C2CD2: variants seen among roughly 807,000 people sequenced by gnomAD.
The protein encoded by C2CD2 is C2 domain-containing protein 2.
C2CD2 carries 43 observed loss-of-function variants against 74.3 expected under a neutral mutation model. The observed-to-expected ratio is 0.58, with a 90% CI of 0.45 to 0.75. The LOEUF (loss-of-function observed/expected upper bound fraction) is 0.75. Among genes scored for constraint, C2CD2 ranks in the 30% least tolerant of loss-of-function variants. The pLI, the probability that C2CD2 is intolerant of heterozygous loss-of-function variation, is 0.00. For missense variants in C2CD2, 801 were observed against 916.3 expected, an observed-to-expected ratio of 0.87 and a Z score of 1.63; for synonymous variants, 422 against 390.7, an observed-to-expected ratio of 1.08 and a Z score of -0.94.
chr21:41,938,862 C>T (rs1240181766), intron 2 of C2CD2, among the ~76,000 whole-genome samples: 1 of 151,950 alleles, frequency 6.6e-6, no homozygotes, highest in Non-Finnish European at 1.5e-5. Context: ...CTGCCTCAGC[C>T]TCCTAAGTAG....
Position 41,929,522 on chromosome 21 carries a change from T to A in C2CD2, c.379-7437A>T, listed in dbSNP as rs2065245208. 6.6e-6 allele frequency among the ~76,000 whole-genome samples: 1 copy of A among 152,192 alleles called. No individual in the cohort carries two copies. The highest frequency in any genetic ancestry group is 2.1e-4 in the South Asian group (1 of 4,828). On this transcript the variant is annotated intron_variant, in intron 2 of 13. Transcript: ENST00000380486. This position sits in a 1 kb window ranked among gnomAD's most constrained non-coding sequence, Gnocchi z 4.6. ...AGGAAGTGCCCTAAACGAGCCCAGA[T>A]CCAATCAGGGTCTCCCTGGCTTCTG...
At chr21:41,912,143 A>G in intron 7 of C2CD2, 189 bp downstream of exon 7, 1 of 534,314 alleles carries the variant, frequency 1.9e-6, no homozygotes, top group South Asian at 2.5e-5. Flanking sequence ...ACTGACTCTA[A>G]GAGCTGCCTT....
chr21:41,921,906 G>A (rs1473142834), intron 3 of C2CD2, 66 bp downstream of exon 3: 6 of 955,922 alleles, frequency 6.3e-6, no homozygotes, highest in Non-Finnish European at 5.1e-6. Context: ...CTCACACCAT[G>A]CTCACTCTTC....
At chr21:41,937,157 A>T (rs2065315847) in intron 2 of C2CD2, among the ~76,000 whole-genome samples, 1 of 143,726 alleles carries the variant, frequency 7.0e-6, no homozygotes, top group Non-Finnish European at 1.5e-5. Context: ...TCACTCTGTT[A>T]CCCAGGCTAG....
chr21:41,947,112 T>TCTCTCTC, intron 1 of C2CD2, among the ~76,000 whole-genome samples: 1 of 26,148 alleles, frequency 3.8e-5, no homozygotes, highest in Non-Finnish European at 9.1e-5. Context: ...CCTTTCTCTT[T>TCTCTCTC]TCTCTCTCTC....
intron 2 of C2CD2, among the ~76,000 whole-genome samples, chr21:41,935,138 C>T (rs1481857387): frequency 6.6e-6 from 1 of 152,192 alleles, no homozygotes; most frequent in Non-Finnish European, 1.5e-5. Flanking sequence ...GATCCACCTG[C>T]CCTGGCCTTC....
chr21:41,938,591 C>T (rs1319850275), intron 2 of C2CD2, among the ~76,000 whole-genome samples: 1 of 152,160 alleles, frequency 6.6e-6, no homozygotes, highest in Non-Finnish European at 1.5e-5. Flanking sequence ...CACCATTCCA[C>T]TTTCTGTCTC....
intron 13 of C2CD2, among the ~76,000 whole-genome samples, chr21:41,889,865 C>A (rs986178047): frequency 1.7e-4 from 26 of 152,098 alleles, no homozygotes; most frequent in African/African-American, 5.6e-4. Flanking sequence ...GAACTCCTGA[C>A]CTCAGGTGAT....
Position 41,899,359 on chromosome 21 carries a change from A to G in C2CD2, c.1564T>C (p.Ser522Pro), listed in dbSNP as rs778031809. 9 of 1,604,004 alleles carry G rather than the reference A, an allele frequency of 5.6e-6. No homozygotes were observed. In the East Asian group the frequency reaches 1.6e-4, roughly 28 times the overall value. Reference protein sequence around the residue: ...TIIISGISKTSLSQDHDAALM... With the variant: ...TIIISGISKTPLSQDHDAALM... ...GCAGCGTCGTGGTCCTGAGATAGTG[A>G]GGTCTGTCAGGGGCAGTGGGGAAGA... Residue 522 changes from serine (S) to proline (P), a missense_variant, in exon 13 of 14, where the codon TCA becomes CCA. Transcript: ENST00000380486. This position sits in a 1 kb window ranked among gnomAD's most constrained non-coding sequence, Gnocchi z 4.4.
At chr21:41,932,175 C>G (rs941006655) in intron 2 of C2CD2, among the ~76,000 whole-genome samples, 8 of 149,536 alleles carry the variant, frequency 5.3e-5, no homozygotes, top group African/African-American at 1.2e-4. Context: ...CATAAAAACC[C>G]TGAAAGGATG....
chr21:41,927,366 A>G (rs1314678165), intron 2 of C2CD2, among the ~76,000 whole-genome samples: 1 of 152,154 alleles, frequency 6.6e-6, no homozygotes, highest in Admixed American at 6.5e-5. Flanking sequence ...GGGTTTCACC[A>G]TGTTGGCCAG....
At position 41,888,858 on chromosome 21, in the gene C2CD2, C is replaced by A; in HGVS notation, c.*266G>T. 1 of 546,550 alleles carries A rather than the reference C, an allele frequency of 1.8e-6. No individual in the cohort carries two copies. The highest frequency in any genetic ancestry group is 2.2e-5 in the South Asian group (1 of 46,182). The allele number at this position is 546,550 out of a possible 1,614,324, so 33.9% of individuals were successfully genotyped here. ...TCTCCTTCTAATATTGAACCCTAAC[C>A]CTTAGCTATGAGCACAGCCCAAGCT... is the stretch of plus-strand genomic sequence containing the variant. On this transcript the variant is annotated 3_prime_UTR_variant, in exon 14 of 14. Transcript: ENST00000380486.
At chr21:41,941,768 A>G (rs2065356061) in intron 2 of C2CD2, among the ~76,000 whole-genome samples, 1 of 152,164 alleles carries the variant, frequency 6.6e-6, no homozygotes, top group Admixed American at 6.5e-5. Flanking sequence ...TTCCCCCAAG[A>G]GTCCCTCACC....
intron 2 of C2CD2, among the ~76,000 whole-genome samples, chr21:41,935,212 T>G (rs375438238): frequency 6.6e-6 from 1 of 152,194 alleles, no homozygotes. Flanking sequence ...ATGTGTTCAT[T>G]CATTAGAATT....
chr21:41,889,309 G>A lies in C2CD2; in HGVS notation c.1906C>T (p.Arg636Cys), dbSNP rs762938431. 31 of 1,613,900 alleles carry A rather than the reference G, an allele frequency of 1.9e-5. No individual in the cohort carries two copies. The highest frequency in any genetic ancestry group is 1.3e-4 in the South Asian group (12 of 91,074). ...ILRKGAKLFFRRRHQQKDPGM... is the reference protein window; with the variant it reads ...ILRKGAKLFFCRRHQQKDPGM... ...GGGTCTTTCTGTTGATGCCGCCGGC[G>A]GAAGAACAGCTTTGCACCTTTCCTT... The change falls in exon 14 of 14, where the codon CGC (arginine) becomes TGC (cysteine). Residue 636 changes from arginine (R) to cysteine (C), a missense_variant. Arg to Cys is a radical substitution (Grantham distance 180). Coordinates refer to ENST00000380486, the MANE Select transcript of C2CD2 (RefSeq NM_015500.2).
In C2CD2 at chr21:41,899,166, T is replaced by G. The variant is rs937192209; in HGVS notation, c.1757A>C (p.Lys586Thr). 1.2e-6 allele frequency: 2 copies of G among 1,613,234 alleles called. No homozygotes were observed. Among genetic ancestry groups the G allele is most frequent in the African/African-American group, 1.3e-5 (1 of 74,892 alleles). ...EDELDSWDLE[K>T]EPQAAAWSSQ... ...GCTCCATGCCGCGGCCTGTGGCTCC[T>G]TCTCCAAGTCCCAGGAGTCTAGCTC... Residue 586 changes from lysine to threonine, a missense_variant, in exon 13 of 14, where the codon AAG (lysine) becomes ACG (threonine). By Grantham distance (78) the Lys-to-Thr change is moderately conservative (BLOSUM62 -1). Transcript: ENST00000380486. This position sits in a 1 kb window ranked among gnomAD's most constrained non-coding sequence, Gnocchi z 4.4.
intron 1 of C2CD2, among the ~76,000 whole-genome samples, chr21:41,949,465 G>T (rs923638897): frequency 6.6e-6 from 1 of 152,314 alleles, no homozygotes; most frequent in Non-Finnish European, 1.5e-5. Context: ...ACCAAGTGGA[G>T]AGGCAAGAGT....
Position 41,887,396 on chromosome 21 carries a change from G to A in C2CD2, c.*1728C>T, listed in dbSNP as rs554111870. The stretch of plus-strand genomic sequence containing the variant: ...GGAACACCTAAGAAGTTTGTAATGC[G>A]CATTTTAAAGTGAAATTCCTAATGT... On this transcript the variant is annotated 3_prime_UTR_variant, in exon 14 of 14. Coordinates refer to ENST00000380486, the MANE Select transcript of C2CD2 (RefSeq NM_015500.2). 3 of 151,972 alleles carry A rather than the reference G, an allele frequency of 2.0e-5. No homozygotes were observed. The highest frequency in any genetic ancestry group is 1.9e-4 in the East Asian group (1 of 5,164). 9.4% of individuals were successfully genotyped at this position (151,972 alleles called of 1,614,324 possible). A position where few individuals can be genotyped will look rare whatever the true frequency, so the allele number is the denominator to read the frequency against.
chr21:41,914,055 C>T (rs1377453050), intron 6 of C2CD2, among the ~76,000 whole-genome samples: 1 of 152,092 alleles, frequency 6.6e-6, no homozygotes, highest in African/African-American at 2.4e-5. Flanking sequence ...TGGAGAAACC[C>T]TGTCTGTACT....
Sources: gnomAD v4.1 joint callset for allele counts (sites outside exome capture counted in the v4.1 genomes callset) on GRCh38, gnomAD v4.1.1 for gene constraint, Gnocchi (gnomAD v3.1) non-coding constraint, MANE v1.5 for transcripts, NCBI Gene and HGNC (gene_info 2026-07-23, HGNC 2026-07-21) for gene names.